TNPO2: variants seen among roughly 807,000 people sequenced by gnomAD.
TNPO2 encodes the protein transportin 2, also known as transportin-2.
Under a neutral mutation model 111.1 loss-of-function variants are expected in TNPO2, and 16 were observed. That is an observed-to-expected ratio of 0.14 (90% CI 0.10 to 0.22). TNPO2 has a LOEUF of 0.22. Ranked by LOEUF, TNPO2 falls within the 10% of genes least tolerant of loss-of-function variation. The pLI is 1.00. For synonymous variants in TNPO2, 481 were observed against 475.8 expected (o/e 1.01, Z -0.14); for missense variants, 530 against 1,173.7 (o/e 0.45, Z 8.01).
chr19:12,701,326 C>G lies in TNPO2; in HGVS notation c.*20G>C, dbSNP rs1246840772. 2.5e-6 allele frequency: 4 copies of G among 1,601,602 alleles called. No individual in the cohort carries two copies. Among genetic ancestry groups the G allele is most frequent in the South Asian group, 1.1e-5 (1 of 90,820 alleles). On this transcript the variant is annotated splice_region_variant and 3_prime_UTR_variant, in exon 25 of 26. Transcript: ENST00000425528. The surrounding 1 kb of genome is among the most constrained non-coding windows in gnomAD (Gnocchi z 5.0). ...GACTTGCCAGCTGCAGTCTCCTTAC[C>G]TGGCAGTCTCCATGATCACCTAGAC...
chr19:12,703,841 C>T (rs1297364278), intron 18 of TNPO2, 40 bp from the exon 19 acceptor site: 39 of 1,527,034 alleles, frequency 2.6e-5, no homozygotes, highest in Non-Finnish European at 3.5e-5. Context: ...AGGCTCCCCT[C>T]CTTCTAACCA....
chr19:12,702,450 A>G lies in TNPO2; in HGVS notation c.2306-273T>C, dbSNP rs1178786093. The G allele has an allele frequency of 3.2e-6, 2 of 616,294 alleles. No individual in the cohort carries two copies. The highest frequency in any genetic ancestry group is 2.3e-5 in the Admixed American group (1 of 43,918). 38.2% of individuals were successfully genotyped at this position (616,294 alleles called of 1,614,324 possible). A position where few individuals can be genotyped will look rare whatever the true frequency, so the allele number is the denominator to read the frequency against. ...TGCTCTGTTGCCCAGGCTGGAGTGC[A>G]GTGGCATGATCTTGGCTCATTGCAA... On this transcript the variant is annotated intron_variant, in intron 21 of 25. Coordinates refer to ENST00000425528, the MANE Select transcript of TNPO2 (RefSeq NM_001382241.1). This position sits in a 1 kb window ranked among gnomAD's most constrained non-coding sequence, Gnocchi z 5.5.
chr19:12,700,119 G>A lies in TNPO2; in HGVS notation c.*1145C>T, dbSNP rs2025203431. 1 of 152,078 alleles carries A rather than the reference G, an allele frequency of 6.6e-6. No homozygotes were observed. Among genetic ancestry groups the A allele is most frequent in the African/African-American group, 2.4e-5 (1 of 41,380 alleles). The allele number at this position is 152,078 out of a possible 1,614,324, so 9.4% of individuals were successfully genotyped here. ...GGCTCACTGGGTACTATGATGAGCA[G>A]GAAGTCCCAGGGAGATGGAATAGGG... is the stretch of plus-strand genomic sequence containing the variant. On this transcript the variant is annotated 3_prime_UTR_variant, in exon 26 of 26. Coordinates refer to ENST00000425528, the MANE Select transcript of TNPO2 (RefSeq NM_001382241.1).
intron 10 of TNPO2, among the ~76,000 whole-genome samples, chr19:12,713,055 G>C: frequency 6.6e-6 from 1 of 152,148 alleles, no homozygotes; most frequent in African/African-American, 2.4e-5. Context: ...TCAGCCTGCA[G>C]GAAAGCTCTT....
At chr19:12,716,224 G>A (rs982167269) in intron 5 of TNPO2, among the ~76,000 whole-genome samples, 7 of 152,190 alleles carry the variant, frequency 4.6e-5, no homozygotes, top group African/African-American at 1.7e-4. Flanking sequence ...GAGCCTTACT[G>A]TGAGTCAACT....
At chr19:12,709,642 G>GTT (rs78853226) in intron 13 of TNPO2, among the ~76,000 whole-genome samples, 29 of 122,890 alleles carry the variant, frequency 2.4e-4, no homozygotes, top group Admixed American at 2.4e-4. Context: ...ATTTTATCAG[G>GTT]TTTTTTTTTT....
At position 12,705,416 on chromosome 19, in the gene TNPO2, C is replaced by G; in HGVS notation, c.1864-18G>C. The stretch of plus-strand genomic sequence containing the variant: ...GTGTACATCTAGACACAGATGCCGA[C>G]AGGGGCACGGGTAAGTGGAGCAGGC... On this transcript the variant is annotated intron_variant, in intron 17 of 25. Transcript: ENST00000425528. This position sits in a 1 kb window ranked among gnomAD's most constrained non-coding sequence, Gnocchi z 7.2. 1.3e-6 allele frequency: 2 copies of G among 1,578,600 alleles called. No homozygotes were observed. Among genetic ancestry groups the G allele is most frequent in the Non-Finnish European group, 1.7e-6 (2 of 1,162,400 alleles).
chr19:12,716,023 C>A (rs1276638739), intron 5 of TNPO2, among the ~76,000 whole-genome samples: 1 of 152,168 alleles, frequency 6.6e-6, no homozygotes, highest in East Asian at 1.9e-4. Flanking sequence ...GCACATGCCA[C>A]CACGCCCAAC....
chr19:12,706,678 G>A lies in TNPO2; in HGVS notation c.1388C>T (p.Ala463Val). The change falls in exon 14 of 26, where the codon GCC becomes GTC. Residue 463 changes from alanine (A) to valine (V), a missense_variant. Transcript: ENST00000425528. This position sits in a 1 kb window ranked among gnomAD's most constrained non-coding sequence, Gnocchi z 7.0. ...GGGTGGCTGGCTGACCACCCAGTGG[G>A]CATAGCGGCTCAGCGTCCAGCAGGC... ...SIACWTLSRY[A>V]HWVVSQPPDM... 6.2e-7 allele frequency: 1 copy of A among 1,613,968 alleles called. No individual in the cohort carries two copies.
intron 2 of TNPO2, chr19:12,722,061 C>T (rs1444542758): frequency 7.4e-6 from 1 of 134,856 alleles, no homozygotes; most frequent in Non-Finnish European, 1.6e-5. Flanking sequence ...CCCCCCACCC[C>T]GCTCAACTTT....
intron 10 of TNPO2, among the ~76,000 whole-genome samples, chr19:12,714,407 G>T (rs2026248923): frequency 6.6e-6 from 1 of 151,562 alleles, no homozygotes; most frequent in Non-Finnish European, 1.5e-5. Flanking sequence ...CAGCCTCCTG[G>T]GTTCAAGCAA....
chr19:12,701,512 T>TC lies in TNPO2; in HGVS notation c.2587-60dup. 33 of 1,592,988 alleles carry TC rather than the reference T, an allele frequency of 2.1e-5. No homozygotes were observed. Among genetic ancestry groups the TC allele is most frequent in the Non-Finnish European group, 2.8e-5 (33 of 1,161,432 alleles). Reference sequence around the variant, plus strand: ...GGCAGAACAAGGGGAGTGCGCCTCTTCCCCCATCCCCAGGCCCCATTGTTA... The same window carrying TC: ...GGCAGAACAAGGGGAGTGCGCCTCTTCCCCCCATCCCCAGGCCCCATTGTTA... On this transcript the variant is annotated intron_variant, in intron 24 of 25. Coordinates refer to ENST00000425528, the MANE Select transcript of TNPO2 (RefSeq NM_001382241.1). This position sits in a 1 kb window ranked among gnomAD's most constrained non-coding sequence, Gnocchi z 5.0.
At chr19:12,714,304 T>G (rs1222325495) in intron 10 of TNPO2, among the ~76,000 whole-genome samples, 3 of 151,476 alleles carry the variant, frequency 2.0e-5, no homozygotes, top group Admixed American at 6.6e-5. Context: ...CCTTTGTTGA[T>G]TTTTCATTTC....
At position 12,701,243 on chromosome 19, in the gene TNPO2, C is replaced by T. The variant is rs532105127; in HGVS notation, c.*21G>A. On this transcript the variant is annotated splice_region_variant and 3_prime_UTR_variant, in exon 26 of 26. Coordinates refer to ENST00000425528, the MANE Select transcript of TNPO2 (RefSeq NM_001382241.1). This position sits in a 1 kb window ranked among gnomAD's most constrained non-coding sequence, Gnocchi z 5.0. Reference sequence around the variant, plus strand: ...CCTCCGACGACGACGCAGACAGAAACCTGCAGGGGGAGGAGGAAGGTCATG... The same window carrying T: ...CCTCCGACGACGACGCAGACAGAAATCTGCAGGGGGAGGAGGAAGGTCATG... 1.1e-6 allele frequency: 1 copy of T among 910,678 alleles called. No homozygotes were observed. The highest frequency in any genetic ancestry group is 1.7e-5 in the African/African-American group (1 of 59,246). The allele number at this position is 910,678 out of a possible 1,614,324, so 56.4% of individuals were successfully genotyped here.
intron 10 of TNPO2, among the ~76,000 whole-genome samples, chr19:12,712,588 C>T (rs186171970): frequency 2.1e-4 from 32 of 152,302 alleles, no homozygotes; most frequent in Non-Finnish European, 4.1e-4. Flanking sequence ...ATGGCATACG[C>T]TGTCTTTCTC....
At position 12,721,454 on chromosome 19, in the gene TNPO2, C is replaced by T. The variant is rs1455268289; in HGVS notation, c.-13-464G>A. ...GCACAGTCCCTGAAGAGTCCCCTTCCCCCGACACTCTGCCCTTAACTTCTG... is the reference window on the plus strand; with the variant it reads ...GCACAGTCCCTGAAGAGTCCCCTTCTCCCGACACTCTGCCCTTAACTTCTG... On this transcript the variant is annotated intron_variant, in intron 2 of 25. Coordinates refer to ENST00000425528, the MANE Select transcript of TNPO2 (RefSeq NM_001382241.1). The surrounding 1 kb of genome is among the most constrained non-coding windows in gnomAD (Gnocchi z 4.9). 2 of 484,784 alleles carry T rather than the reference C, an allele frequency of 4.1e-6. No individual in the cohort carries two copies. Among genetic ancestry groups the T allele is most frequent in the South Asian group, 1.6e-5 (1 of 63,216 alleles). 30.0% of individuals were successfully genotyped at this position (484,784 alleles called of 1,614,324 possible).
Position 12,702,604 on chromosome 19 carries a change from G to A in TNPO2, c.2305+219C>T, listed in dbSNP as rs1465927892. ...GCTGGTCTCGAACTCCTGACTTCAG[G>A]TGATCTGCCTCCCAAAGTGCTGAGA... is the stretch of plus-strand genomic sequence containing the variant. On this transcript the variant is annotated intron_variant, in intron 21 of 25. Transcript: ENST00000425528. This position sits in a 1 kb window ranked among gnomAD's most constrained non-coding sequence, Gnocchi z 5.5. Among the ~76,000 whole-genome samples the A allele has an allele frequency of 6.6e-6, 1 of 152,094 alleles. No homozygotes were observed. Among genetic ancestry groups the A allele is most frequent in the East Asian group, 1.9e-4 (1 of 5,178 alleles).
rs1225995265 is a variant in TNPO2, at chr19:12,702,376, C to T, written c.2306-199G>A. On this transcript the variant is annotated intron_variant, in intron 21 of 25. Transcript: ENST00000425528. This position sits in a 1 kb window ranked among gnomAD's most constrained non-coding sequence, Gnocchi z 5.5. ...ATCTATCTTTCTTTCTTTCCTTTCC[C>T]TTTCCTTTTTGTTTTTTTTTGTTTT... 1.4e-6 allele frequency: 1 copy of T among 692,570 alleles called. No individual in the cohort carries two copies. Among genetic ancestry groups the T allele is most frequent in the East Asian group, 2.7e-5 (1 of 36,790 alleles). The allele number at this position is 692,570 out of a possible 1,614,324, so 42.9% of individuals were successfully genotyped here. A position where few individuals can be genotyped will look rare whatever the true frequency, so the allele number is the denominator to read the frequency against.
At position 12,701,934 on chromosome 19, in the gene TNPO2, T is replaced by C. The variant is rs57235722; in HGVS notation, c.2412-83A>G. Reference sequence around the variant, plus strand: ...GGCTGGGTCACTGGGGATCAGTGAGTGGGCCTGGGACATGCATCTGTGGGG... The same window carrying C: ...GGCTGGGTCACTGGGGATCAGTGAGCGGGCCTGGGACATGCATCTGTGGGG... On this transcript the variant is annotated intron_variant, in intron 22 of 25. Coordinates refer to ENST00000425528, the MANE Select transcript of TNPO2 (RefSeq NM_001382241.1). The surrounding 1 kb of genome is among the most constrained non-coding windows in gnomAD (Gnocchi z 5.0). 0.036 allele frequency: 51,007 copies of C among 1,422,498 alleles called. 7,372 individuals are homozygous for C. The African/African-American group carries it at 0.44, about 12-fold the overall frequency. The allele number at this position is 1,422,498 out of a possible 1,614,324, so 88.1% of individuals were successfully genotyped here.
Sources: gnomAD v4.1 joint callset for allele counts (sites outside exome capture counted in the v4.1 genomes callset) on GRCh38, gnomAD v4.1.1 for gene constraint, Gnocchi (gnomAD v3.1) non-coding constraint, MANE v1.5 for transcripts, NCBI Gene and HGNC (gene_info 2026-07-23, HGNC 2026-07-21) for gene names.